Variants in TBC1D22A observed in about 807,000 individuals in gnomAD.
The protein encoded by TBC1D22A is putative GTPase activator.
In TBC1D22A, 38 loss-of-function variants were observed where a neutral mutation model predicts 60.2. That is an observed-to-expected ratio of 0.63 (90% CI 0.49 to 0.83). TBC1D22A has a LOEUF of 0.83. Among genes scored for constraint, TBC1D22A ranks in the 40% least tolerant of loss-of-function variants. The pLI is 0.00. For missense variants in TBC1D22A, 628 were observed against 701.0 expected (o/e 0.90, Z 1.18); for synonymous variants, 302 against 281.7 (o/e 1.07, Z -0.72).
At chr22:46,909,351 G>A (rs1444424479) in intron 7 of TBC1D22A, among the ~76,000 whole-genome samples, 1 of 152,066 alleles carries the variant, frequency 6.6e-6, no homozygotes, top group Non-Finnish European at 1.5e-5. Context: ...ACTGCAGTGC[G>A]ACTGCCCCCT....
chr22:47,066,402 CAG>C (rs369703864), intron 11 of TBC1D22A, among the ~76,000 whole-genome samples: 36 of 151,804 alleles, frequency 2.4e-4, no homozygotes, highest in African/African-American at 6.3e-4. Context: ...ATGCTCGAGT[CAG>C]GGGAGGTCGG....
chr22:46,911,693 G>A (rs538059419), intron 7 of TBC1D22A, among the ~76,000 whole-genome samples: 52 of 152,268 alleles, frequency 3.4e-4, no homozygotes, highest in African/African-American at 1.1e-3. Context: ...TGAGGTGGGT[G>A]GATCACTTGA....
At position 46,830,197 on chromosome 22, in the gene TBC1D22A, C is replaced by T. The variant is rs116634472; in HGVS notation, c.637+32577C>T. Among the ~76,000 whole-genome samples the T allele has an allele frequency of 4.2e-3, 633 of 152,272 alleles. 8 individuals carry two copies. The highest frequency in any genetic ancestry group is 0.015 in the African/African-American group (614 of 41,566). On this transcript the variant is annotated intron_variant, in intron 4 of 12. Coordinates refer to ENST00000337137, the MANE Select transcript of TBC1D22A (RefSeq NM_014346.5). The stretch of plus-strand genomic sequence containing the variant: ...GCGGGAATGCATGGGGACGCTGAGG[C>T]GAGTGACTGGAGGCAGGCTGGCATG...
intron 7 of TBC1D22A, among the ~76,000 whole-genome samples, chr22:46,910,862 C>A (rs1057053724): frequency 3.7e-4 from 54 of 147,728 alleles, no homozygotes; most frequent in African/African-American, 1.3e-3. Flanking sequence ...AGGGTGCGGG[C>A]GTGGCAGGCT....
intron 11 of TBC1D22A, among the ~76,000 whole-genome samples, chr22:47,047,995 T>C (rs2063085174): frequency 1.3e-5 from 2 of 152,284 alleles, no homozygotes; most frequent in Middle Eastern, 3.4e-3. Flanking sequence ...CTGGATGTCA[T>C]CTTTGCAAGT....
At chr22:47,093,551 A>G (rs989041696) in intron 11 of TBC1D22A, among the ~76,000 whole-genome samples, 27 of 152,158 alleles carry the variant, frequency 1.8e-4, no homozygotes, top group Non-Finnish European at 4.4e-5. Flanking sequence ...TGTGAGCCCT[A>G]GGAGTTCCCG....
chr22:47,018,767 G>A (rs1477629236), intron 10 of TBC1D22A, among the ~76,000 whole-genome samples: 2 of 152,270 alleles, frequency 1.3e-5, no homozygotes, highest in South Asian at 2.1e-4. Flanking sequence ...GGTGGTGGGC[G>A]GGGCCAAGGC....
At position 47,017,267 on chromosome 22, in the gene TBC1D22A, G is replaced by T. The variant is rs113771007; in HGVS notation, c.1201+19558G>T. ...CATTTTGTATGAAAGTCACATGGGC[G>T]CATGGGAGGGCTAAGGAGACGGTCC... On this transcript the variant is annotated intron_variant, in intron 10 of 12. Coordinates refer to ENST00000337137, the MANE Select transcript of TBC1D22A (RefSeq NM_014346.5). Among the ~76,000 whole-genome samples, 501 of 152,294 alleles carry T rather than the reference G, an allele frequency of 3.3e-3. 3 individuals carry two copies. The highest frequency in any genetic ancestry group is 0.012 in the African/African-American group (485 of 41,558).
intron 8 of TBC1D22A, among the ~76,000 whole-genome samples, chr22:46,948,634 T>C (rs9616171): frequency 0.056 from 8,528 of 152,350 alleles, 352 homozygotes; most frequent in Non-Finnish European, 0.088. Context: ...GGGAAATCTT[T>C]GATGCAGCAC....
At chr22:47,105,007 A>G (rs1223022950) in intron 11 of TBC1D22A, among the ~76,000 whole-genome samples, 3 of 152,062 alleles carry the variant, frequency 2.0e-5, no homozygotes, top group Admixed American at 1.3e-4. Flanking sequence ...CCTAAAATGT[A>G]CAAAATCAAG....
chr22:47,056,874 AGAATG>A lies in TBC1D22A; in HGVS notation c.1329+19680_1329+19684del, dbSNP rs776301031. ...CCGGGGAAGCTGCAGGGACAGACAC[AGAATG>A]GAAGGGGCCTGGAGCAGAGGAGATG... On this transcript the variant is annotated intron_variant, in intron 11 of 12. Transcript: ENST00000337137. Among the ~76,000 whole-genome samples, 145 of 152,330 alleles carry A rather than the reference AGAATG, an allele frequency of 9.5e-4. 1 individual carries two copies. Among genetic ancestry groups the A allele is most frequent in the Middle Eastern group, 6.8e-3 (2 of 294 alleles).
intron 1 of TBC1D22A, chr22:46,763,207 C>CT (rs2083162794): frequency 3.9e-6 from 1 of 257,446 alleles, no homozygotes; most frequent in Non-Finnish European, 7.4e-6. Context: ...GGGCTGAGGC[C>CT]CCCCGTCTGC....
At chr22:46,997,750 G>T in intron 10 of TBC1D22A, 41 bp downstream of exon 10, 1 of 1,594,072 alleles carries the variant, frequency 6.3e-7, no homozygotes, top group Non-Finnish European at 8.6e-7. Context: ...GTGGGCGGGG[G>T]GAGGTGGCCC....
At chr22:47,149,690 G>A (rs147909181) in intron 12 of TBC1D22A, among the ~76,000 whole-genome samples, 159 of 152,382 alleles carry the variant, frequency 1.0e-3, no homozygotes, top group African/African-American at 3.5e-3. Context: ...TGGCGAGTCA[G>A]GGAGGAAGGT....
intron 4 of TBC1D22A, among the ~76,000 whole-genome samples, chr22:46,809,940 C>T (rs1376101688): frequency 6.6e-6 from 1 of 152,114 alleles, no homozygotes; most frequent in Non-Finnish European, 1.5e-5. Flanking sequence ...TCTTCATAAC[C>T]ATCATTTTTA....
chr22:47,136,107 C>T (rs926397151), intron 12 of TBC1D22A, among the ~76,000 whole-genome samples: 3 of 152,228 alleles, frequency 2.0e-5, no homozygotes, highest in Non-Finnish European at 4.4e-5. Context: ...AAGTGAGGCA[C>T]GATGGTGTGG....
intron 1 of TBC1D22A, among the ~76,000 whole-genome samples, chr22:46,782,207 A>C (rs1322211939): frequency 6.6e-6 from 1 of 152,190 alleles, no homozygotes; most frequent in African/African-American, 2.4e-5. Context: ...GGCGTGCACC[A>C]TCACACCCAG....
chr22:47,138,208 A>G (rs1264356177), intron 12 of TBC1D22A, among the ~76,000 whole-genome samples: 2 of 152,178 alleles, frequency 1.3e-5, no homozygotes, highest in Non-Finnish European at 2.9e-5. Context: ...GGCCAGAGCT[A>G]CTGTTTATAA....
chr22:47,092,527 A>T (rs1208435746), intron 11 of TBC1D22A, among the ~76,000 whole-genome samples: 1 of 152,118 alleles, frequency 6.6e-6, no homozygotes, highest in Non-Finnish European at 1.5e-5. Flanking sequence ...CTGGGAGCAG[A>T]CTGCAGGCTG....
Sources: gnomAD v4.1 joint callset for allele counts (sites outside exome capture counted in the v4.1 genomes callset) on GRCh38, gnomAD v4.1.1 for gene constraint, MANE v1.5 for transcripts, NCBI Gene and HGNC (gene_info 2026-07-23, HGNC 2026-07-21) for gene names.